The following MAGI2 variants were observed in gnomAD, a reference collection of about 807,000 sequenced individuals.
The protein encoded by MAGI2 is membrane-associated guanylate kinase, WW and PDZ domain-containing protein 2.
A neutral mutation model predicts 133.3 loss-of-function variants in MAGI2; 35 were observed. The ratio of observed to expected loss-of-function variants is 0.26; its 90% confidence interval spans 0.20 to 0.35. The LOEUF is 0.35. Ranked by LOEUF, MAGI2 falls within the 10% of genes least tolerant of loss-of-function variation. The pLI, the probability that MAGI2 is intolerant of heterozygous loss-of-function variation, is 1.00. For missense variants in MAGI2, 1,636 were observed against 1,863.4 expected, an observed-to-expected ratio of 0.88 and a Z score of 2.25; for synonymous variants, 729 against 710.6, an observed-to-expected ratio of 1.03 and a Z score of -0.41.
At chr7:78,380,212 ATTTC>A (rs879691294) in intron 6 of MAGI2, among the ~76,000 whole-genome samples, 2 of 151,944 alleles carry the variant, frequency 1.3e-5, no homozygotes, top group Non-Finnish European at 2.9e-5. Flanking sequence ...AAAATAGACT[ATTTC>A]TTTTTTTAAA....
intron 6 of MAGI2, among the ~76,000 whole-genome samples, chr7:78,375,403 T>G (rs1389022834): frequency 6.6e-6 from 1 of 152,036 alleles, no homozygotes; most frequent in African/African-American, 2.4e-5. Context: ...TGTAAATTCA[T>G]GTAAGGTTGT....
At chr7:78,603,248 C>A (rs1003312106) in intron 3 of MAGI2, among the ~76,000 whole-genome samples, 6 of 152,142 alleles carry the variant, frequency 3.9e-5, no homozygotes, top group Non-Finnish European at 8.8e-5. Context: ...CATTAATTTT[C>A]TTGTACATAA....
intron 2 of MAGI2, among the ~76,000 whole-genome samples, chr7:78,688,437 G>T (rs1231688384): frequency 6.6e-6 from 1 of 152,026 alleles, no homozygotes; most frequent in East Asian, 1.9e-4. Flanking sequence ...CTTAACAACT[G>T]GTTTCTTTTT....
intron 2 of MAGI2, among the ~76,000 whole-genome samples, chr7:78,727,997 T>A (rs1859326): frequency 0.46 from 70,193 of 151,920 alleles, 16,477 homozygotes; most frequent in Admixed American, 0.49. Context: ...GTATGGAGAT[T>A]GCCAGTAATG....
intron 2 of MAGI2, among the ~76,000 whole-genome samples, chr7:78,958,313 G>T (rs992378305): frequency 2.6e-5 from 4 of 152,042 alleles, no homozygotes; most frequent in Admixed American, 6.6e-5. Context: ...TTCTAAATTG[G>T]GTGAGATGAC....
Position 78,851,973 on chromosome 7 carries a change from C to T in MAGI2, c.418+155117G>A, listed in dbSNP as rs187364203. ...TTACCTAAAAATAAGAAAATCTTAC[C>T]CAAATTTTTTGTACCAGTTTACACT... is the stretch of plus-strand genomic sequence containing the variant. On this transcript the variant is annotated intron_variant, in intron 2 of 21. Coordinates refer to ENST00000354212, the MANE Select transcript of MAGI2 (RefSeq NM_012301.4). Among the ~76,000 whole-genome samples, 17 of 152,136 alleles carry T rather than the reference C, an allele frequency of 1.1e-4. No individual in the cohort carries two copies. The East Asian group carries it at 2.3e-3, about 21-fold the overall frequency.
At chr7:78,366,011 T>C (rs563758154) in intron 7 of MAGI2, among the ~76,000 whole-genome samples, 3 of 152,356 alleles carry the variant, frequency 2.0e-5, no homozygotes, top group African/African-American at 7.2e-5. Context: ...CTTGTGTCCA[T>C]GCACGTAAGC....
At chr7:78,650,058 A>C (rs1811381021) in intron 2 of MAGI2, among the ~76,000 whole-genome samples, 1 of 152,140 alleles carries the variant, frequency 6.6e-6, no homozygotes, top group African/African-American at 2.4e-5. Flanking sequence ...ACAGACCATA[A>C]TTAGAGTAGT....
rs1000740737 is a variant in MAGI2, at chr7:78,536,091, G to C, written c.539-14446C>G. Among the ~76,000 whole-genome samples, 219 of 131,776 alleles carry C rather than the reference G, an allele frequency of 1.7e-3. 1 individual carries two copies. The highest frequency in any genetic ancestry group is 6.0e-3 in the African/African-American group (209 of 35,114). The allele number at this position is 131,776 out of a possible 152,430, so 86.5% of individuals were successfully genotyped here. A position where few individuals can be genotyped will look rare whatever the true frequency, so the allele number is the denominator to read the frequency against. Reference sequence around the variant, plus strand: ...TCTGGCCTCCCATACAGCTGGCTCTGTATGAATTAAACTTTTTTTTTTTTT... The same window carrying C: ...TCTGGCCTCCCATACAGCTGGCTCTCTATGAATTAAACTTTTTTTTTTTTT... On this transcript the variant is annotated intron_variant, in intron 3 of 21. Transcript: ENST00000354212.
intron 2 of MAGI2, among the ~76,000 whole-genome samples, chr7:78,817,444 C>T (rs1789685205): frequency 1.3e-5 from 2 of 152,094 alleles, no homozygotes; most frequent in African/African-American, 2.4e-5. Flanking sequence ...AGAGAGAAAT[C>T]TGTTGTGAAA....
intron 1 of MAGI2, among the ~76,000 whole-genome samples, chr7:79,205,167 C>G (rs1211107345): frequency 6.6e-6 from 1 of 151,706 alleles, no homozygotes; most frequent in African/African-American, 2.4e-5. Context: ...TAAGAATACC[C>G]CAAGACATAT....
At chr7:78,884,019 C>G (rs1253608916) in intron 2 of MAGI2, among the ~76,000 whole-genome samples, 1 of 152,140 alleles carries the variant, frequency 6.6e-6, no homozygotes, top group Non-Finnish European at 1.5e-5. Context: ...CCTGATTAAA[C>G]TATTGTGCTT....
At chr7:78,473,188 C>A (rs1229095671) in intron 6 of MAGI2, among the ~76,000 whole-genome samples, 2 of 152,124 alleles carry the variant, frequency 1.3e-5, no homozygotes, top group Non-Finnish European at 2.9e-5. Flanking sequence ...CATAAAGTGA[C>A]TCAAAGTGTT....
In MAGI2 at chr7:78,017,814, G is replaced by A. The variant is rs1300083407; in HGVS notation, c.*1501C>T. 2 of 152,312 alleles carry A rather than the reference G, an allele frequency of 1.3e-5. No homozygotes were observed. The highest frequency in any genetic ancestry group is 6.5e-5 in the Admixed American group (1 of 15,276). The allele number at this position is 152,312 out of a possible 1,614,324, so 9.4% of individuals were successfully genotyped here. A position where few individuals can be genotyped will look rare whatever the true frequency, so the allele number is the denominator to read the frequency against. The stretch of plus-strand genomic sequence containing the variant: ...GCTATTACGTGTGACCTTTGAGATG[G>A]ACCTGATCGCCCCTTTTACTTTTTA... On this transcript the variant is annotated 3_prime_UTR_variant, in exon 22 of 22. Transcript: ENST00000354212.
chr7:79,043,847 C>A (rs919265151), intron 1 of MAGI2, among the ~76,000 whole-genome samples: 2 of 151,976 alleles, frequency 1.3e-5, no homozygotes, highest in Admixed American at 6.6e-5. Context: ...ATTGAAAGAG[C>A]AAGAAATAGA....
At chr7:79,135,995 GAAAGAAAGAGAAAGAAAGAA>G (rs1562928700) in intron 1 of MAGI2, among the ~76,000 whole-genome samples, 23 of 37,440 alleles carry the variant, frequency 6.1e-4, no homozygotes, top group African/African-American at 1.2e-3. Flanking sequence ...AAGAAAGAAA[GAAAGAAAGAGAAAGAAAGAA>G]AGAAAGAAAG....
rs541659828 is a variant in MAGI2, at chr7:78,068,114, G to T, written c.3706+10833C>A. ...GAATTTTTCCATAGACCAGGTGGGG[G>T]TAGGGGGATGGTTTCAGGATGAAAC... is the stretch of plus-strand genomic sequence containing the variant. On this transcript the variant is annotated intron_variant, in intron 21 of 21. Transcript: ENST00000354212. Among the ~76,000 whole-genome samples, 7 of 152,336 alleles carry T rather than the reference G, an allele frequency of 4.6e-5. No homozygotes were observed. In the East Asian group the frequency reaches 1.4e-3, roughly 29 times the overall value.
intron 1 of MAGI2, among the ~76,000 whole-genome samples, chr7:79,018,327 C>CT (rs1172438321): frequency 6.6e-6 from 1 of 152,096 alleles, no homozygotes; most frequent in Non-Finnish European, 1.5e-5. Context: ...AAATAAAATC[C>CT]TTTTCAGAAA....
At chr7:78,600,816 T>C (rs1180248332) in intron 3 of MAGI2, among the ~76,000 whole-genome samples, 1 of 152,000 alleles carries the variant, frequency 6.6e-6, no homozygotes. Flanking sequence ...CAAAGTGAAA[T>C]GTGTAAAATT....
Sources: allele counts gnomAD v4.1 joint callset (sites outside exome capture counted in the v4.1 genomes callset), GRCh38; gene constraint gnomAD v4.1.1; transcripts MANE v1.5; gene names NCBI Gene and HGNC (gene_info 2026-07-23, HGNC 2026-07-21).